The following IRS1 variants were observed in gnomAD, a reference collection of about 807,000 sequenced individuals.
The protein encoded by IRS1 is insulin receptor substrate 1.
A neutral mutation model predicts 65.6 loss-of-function variants in IRS1; 34 were observed. The observed-to-expected ratio is 0.52, with a 90% CI of 0.39 to 0.69. The LOEUF (loss-of-function observed/expected upper bound fraction) is 0.69. Among genes scored for constraint, IRS1 ranks in the 30% least tolerant of loss-of-function variants. The probability of loss-of-function intolerance (pLI) is 0.00; values close to 1 mark genes in which losing one functional copy is unlikely to be tolerated. For missense variants in IRS1, 1,641 were observed against 1,720.2 expected, an observed-to-expected ratio of 0.95 and a Z score of 0.81; for synonymous variants, 699 against 683.5, an observed-to-expected ratio of 1.02 and a Z score of -0.35.
chr2:226,798,731 C>T lies in IRS1; in HGVS notation c.8G>A (p.Ser3Asn). ...CGAGAAGCCATCGCTCTCCGGAGGG[C>T]TCGCCATGCTGCCACCGCCACCACC... MA[S>N]PPESDGFSDV... Residue 3 changes from serine to asparagine, a missense_variant, in exon 1 of 2, where the codon AGC becomes AAC. This residue lies in a region of IRS1 where 240 missense variants were observed against 229.6 expected (regional missense o/e 1.05). Transcript: ENST00000305123. This position sits in a 1 kb window ranked among gnomAD's most constrained non-coding sequence, Gnocchi z 9.4. 6.2e-7 allele frequency: 1 copy of T among 1,611,264 alleles called. No individual in the cohort carries two copies. Among genetic ancestry groups the T allele is most frequent in the Non-Finnish European group, 8.5e-7 (1 of 1,179,410 alleles).
intron 1 of IRS1, among the ~76,000 whole-genome samples, chr2:226,768,565 C>G (rs1310213459): frequency 6.6e-6 from 1 of 152,046 alleles, no homozygotes; most frequent in Non-Finnish European, 1.5e-5. Flanking sequence ...AATATTGTAC[C>G]AACAGCAGCT....
rs73083607 is a variant in IRS1, at chr2:226,747,685, C to T, written c.*22-11435G>A. On this transcript the variant is annotated intron_variant, in intron 1 of 1. Transcript: ENST00000305123. ...CATGGAAGGGCCAGACAGAAGCCAT[C>T]CATCTGGCCTTTGGCAGAAACACGC... 3.3e-3 allele frequency among the ~76,000 whole-genome samples: 510 copies of T among 152,284 alleles called. 2 individuals are homozygous for T. Among genetic ancestry groups the T allele is most frequent in the African/African-American group, 0.011 (474 of 41,554 alleles).
In IRS1 at chr2:226,762,984, G is replaced by A. The variant is rs184811295; in HGVS notation, c.*22-26734C>T. Among the ~76,000 whole-genome samples, 666 of 152,220 alleles carry A rather than the reference G, an allele frequency of 4.4e-3. 3 individuals carry two copies. The highest frequency in any genetic ancestry group is 0.015 in the African/African-American group (632 of 41,524). On this transcript the variant is annotated intron_variant, in intron 1 of 1. Transcript: ENST00000305123. ...TTACAAAAAAGTATAATACTCTTGC[G>A]ATCATCCAGAAGAGAAAACTCATTT...
intron 1 of IRS1, among the ~76,000 whole-genome samples, chr2:226,779,590 T>C (rs897392633): frequency 3.3e-5 from 5 of 152,194 alleles, no homozygotes; most frequent in Admixed American, 1.3e-4. Flanking sequence ...AAAACTGAAG[T>C]CTTATTTAAA....
intron 1 of IRS1, among the ~76,000 whole-genome samples, chr2:226,757,756 A>G (rs555788605): frequency 6.6e-6 from 1 of 152,344 alleles, no homozygotes; most frequent in African/African-American, 2.4e-5. Context: ...TTTGAGAAAT[A>G]CTGCATTAAA....
At chr2:226,765,099 C>CTCAT (rs1226210373) in intron 1 of IRS1, among the ~76,000 whole-genome samples, 12 of 152,254 alleles carry the variant, frequency 7.9e-5, no homozygotes, top group East Asian at 1.9e-4. Context: ...ATAAATATTA[C>CTCAT]TCATTCATTC....
intron 1 of IRS1, among the ~76,000 whole-genome samples, chr2:226,758,154 G>C (rs995951757): frequency 1.3e-5 from 2 of 152,176 alleles, no homozygotes. Flanking sequence ...TTTGAATTCA[G>C]AAAACGATTC....
At chr2:226,753,312 C>A (rs1392899808) in intron 1 of IRS1, among the ~76,000 whole-genome samples, 1 of 152,144 alleles carries the variant, frequency 6.6e-6, no homozygotes, top group Non-Finnish European at 1.5e-5. Flanking sequence ...ATTTTAATCA[C>A]CGACTCATTA....
intron 1 of IRS1, among the ~76,000 whole-genome samples, chr2:226,742,713 G>GAAA (rs537549029): frequency 8.0e-6 from 1 of 124,598 alleles, no homozygotes; most frequent in Non-Finnish European, 1.7e-5. Context: ...CACGCATTAT[G>GAAA]AAAAAAAAAA....
intron 1 of IRS1, among the ~76,000 whole-genome samples, chr2:226,783,543 A>G (rs1939427673): frequency 1.3e-5 from 2 of 152,230 alleles, no homozygotes; most frequent in African/African-American, 4.8e-5. Context: ...ATAGTTATTT[A>G]AGGGAATATA....
At chr2:226,737,335 T>C (rs1256785881) in intron 1 of IRS1, among the ~76,000 whole-genome samples, 1 of 152,040 alleles carries the variant, frequency 6.6e-6, no homozygotes, top group Non-Finnish European at 1.5e-5. Flanking sequence ...CTTAATCCAG[T>C]CTATCATTGT....
intron 1 of IRS1, among the ~76,000 whole-genome samples, chr2:226,762,073 G>A (rs958472428): frequency 3.3e-5 from 5 of 152,128 alleles, no homozygotes; most frequent in Non-Finnish European, 7.4e-5. Flanking sequence ...GAAGCACTAG[G>A]CACCCTAAGG....
rs764570043 is a variant in IRS1 at position 226,795,257 on chromosome 2, T to C, written c.3482A>G (p.Lys1161Arg). Residue 1161 changes from lysine to arginine, a missense_variant, in exon 1 of 2, where the codon AAG (lysine) becomes AGG (arginine). Lys to Arg is a conservative substitution (Grantham distance 26). Coordinates refer to ENST00000305123, the MANE Select transcript of IRS1 (RefSeq NM_005544.3). ...LRPGELGGAP[K>R]EPAKLCGAAG... Reference sequence around the variant, plus strand: ...AGCCCCACACAGTTTGGCTGGCTCCTTGGGGGCTCCCCCAAGCTCCCCAGG... The same window carrying C: ...AGCCCCACACAGTTTGGCTGGCTCCCTGGGGGCTCCCCCAAGCTCCCCAGG... 49 of 1,613,934 alleles carry C rather than the reference T, an allele frequency of 3.0e-5. No individual in the cohort carries two copies. In the South Asian group the frequency reaches 5.1e-4, roughly 17 times the overall value.
chr2:226,789,972 G>A (rs956134255), intron 1 of IRS1, among the ~76,000 whole-genome samples: 1 of 152,168 alleles, frequency 6.6e-6, no homozygotes, highest in Non-Finnish European at 1.5e-5. Context: ...TGTCCATAAA[G>A]AATGTCTGAT....
chr2:226,762,711 C>A (rs1319963518), intron 1 of IRS1, among the ~76,000 whole-genome samples: 1 of 152,168 alleles, frequency 6.6e-6, no homozygotes, highest in African/African-American at 2.4e-5. Flanking sequence ...TAGGTTGGTG[C>A]AAATGTAATT....
chr2:226,750,249 CAAAAAAAAAA>C (rs75785691), intron 1 of IRS1, among the ~76,000 whole-genome samples: 2 of 59,980 alleles, frequency 3.3e-5, no homozygotes, highest in Non-Finnish European at 7.5e-5. Context: ...AACTCTGTCT[CAAAAAAAAAA>C]AAAAAAAAAA....
At position 226,787,098 on chromosome 2, in the gene IRS1, A is replaced by G. The variant is rs180829967; in HGVS notation, c.*21+7891T>C. 1.5e-3 allele frequency among the ~76,000 whole-genome samples: 228 copies of G among 152,270 alleles called. 1 individual carries two copies. Among genetic ancestry groups the G allele is most frequent in the African/African-American group, 4.7e-3 (196 of 41,562 alleles). On this transcript the variant is annotated intron_variant, in intron 1 of 1. Coordinates refer to ENST00000305123, the MANE Select transcript of IRS1 (RefSeq NM_005544.3). Reference sequence around the variant, plus strand: ...CAGGTTTCCTAACACTGACCACCCCATAACAAGTCCACATTCAACCCCTCT... The same window carrying G: ...CAGGTTTCCTAACACTGACCACCCCGTAACAAGTCCACATTCAACCCCTCT...
intron 1 of IRS1, among the ~76,000 whole-genome samples, chr2:226,786,651 A>C (rs1939492059): frequency 6.6e-6 from 1 of 150,476 alleles, no homozygotes; most frequent in Non-Finnish European, 1.5e-5. Context: ...AAAAAAAAAA[A>C]CAAAAACAAC....
intron 1 of IRS1, among the ~76,000 whole-genome samples, chr2:226,772,770 A>G (rs1939189060): frequency 6.6e-6 from 1 of 152,178 alleles, no homozygotes; most frequent in Non-Finnish European, 1.5e-5. Flanking sequence ...TGAAACCTAA[A>G]GCTTATCATG....
Sources: allele counts gnomAD v4.1 joint callset (sites outside exome capture counted in the v4.1 genomes callset), GRCh38; gene constraint gnomAD v4.1.1; regional missense constraint gnomAD v4.1.1; non-coding constraint Gnocchi (gnomAD v3.1); transcripts MANE v1.5; gene names NCBI Gene and HGNC (gene_info 2026-07-23, HGNC 2026-07-21).